Variants in SEMA4D observed in about 807,000 individuals in gnomAD.
The protein encoded by SEMA4D is semaphorin-4D.
Under a neutral mutation model 74.8 loss-of-function variants are expected in SEMA4D, and 22 were observed. The ratio of observed to expected loss-of-function variants is 0.29; its 90% CI spans 0.21 to 0.42. The LOEUF (loss-of-function observed/expected upper bound fraction) is 0.42. Among genes scored for constraint, SEMA4D ranks in the 10% least tolerant of loss-of-function variants. The pLI is 1.00. For missense variants in SEMA4D, 937 were observed against 1,118.4 expected (o/e 0.84, Z 2.31); for synonymous variants, 445 against 463.7 (o/e 0.96, Z 0.52).
chr9:89,402,406 CA>C (rs1842406129), intron 4 of SEMA4D, among the ~76,000 whole-genome samples: 1 of 152,082 alleles, frequency 6.6e-6, no homozygotes, highest in Non-Finnish European at 1.5e-5. Flanking sequence ...GCATCATCCA[CA>C]AGAGTCGGTG....
chr9:89,484,832 T>C lies in SEMA4D; in HGVS notation c.-310+13087A>G, dbSNP rs1377133280. On this transcript the variant is annotated intron_variant, in intron 1 of 15. Transcript: ENST00000422704. The surrounding 1 kb of genome is among the most constrained non-coding windows in gnomAD (Gnocchi z 4.1). ...GGTGGGTGTGTGGTGTGTGGATGTA[T>C]TGTGTGGTGTGTGTGTAATGTGTGT... is the stretch of plus-strand genomic sequence containing the variant. Among the ~76,000 whole-genome samples the C allele has an allele frequency of 6.7e-6, 1 of 148,386 alleles. No individual in the cohort carries two copies. The highest frequency in any genetic ancestry group is 6.7e-5 in the Admixed American group (1 of 14,912).
At chr9:89,371,970 TGTGGTGTGTGTCTGG>T in intron 16 of SEMA4D, among the ~76,000 whole-genome samples, 1 of 111,750 alleles carries the variant, frequency 8.9e-6, no homozygotes, top group South Asian at 3.1e-4. Flanking sequence ...GTGTGTGGGG[TGTGGTGTGTGTCTGG>T]GGTGTGGTGT....
At chr9:89,414,807 T>C (rs1845350980) in intron 2 of SEMA4D, among the ~76,000 whole-genome samples, 1 of 152,328 alleles carries the variant, frequency 6.6e-6, no homozygotes, top group East Asian at 1.9e-4. Context: ...GCAGGGCAGC[T>C]GCCAGGACCA....
At chr9:89,362,959 G>A (rs567197233) in intron 18 of SEMA4D, among the ~76,000 whole-genome samples, 1 of 152,276 alleles carries the variant, frequency 6.6e-6, no homozygotes, top group South Asian at 2.1e-4. Flanking sequence ...CTTCCATGCT[G>A]TAGCCCAGTT....
downstream of SEMA4D, among the ~76,000 whole-genome samples, chr9:89,376,168 C>A (rs983803767): frequency 1.3e-5 from 2 of 152,224 alleles, no homozygotes; most frequent in Non-Finnish European, 1.5e-5. Context: ...TAAAACAACT[C>A]CCATTCTGGA....
At chr9:89,393,726 C>A in intron 6 of SEMA4D, 71 bp from the exon 7 acceptor site, 1 of 1,223,210 alleles carries the variant, frequency 8.2e-7, no homozygotes, top group Non-Finnish European at 1.2e-6. Context: ...GTCTCTGTAC[C>A]ACTTCATTTT....
At chr9:89,415,881 G>T (rs1288563125) in intron 2 of SEMA4D, among the ~76,000 whole-genome samples, 1 of 152,152 alleles carries the variant, frequency 6.6e-6, no homozygotes, top group Non-Finnish European at 1.5e-5. Flanking sequence ...ATTTACACTG[G>T]TAGCGCCTTT....
chr9:89,387,655 G>T, intron 11 of SEMA4D, 47 bp from the exon 12 acceptor site: 3 of 1,559,724 alleles, frequency 1.9e-6, no homozygotes, highest in Non-Finnish European at 2.6e-6. Flanking sequence ...GTCCCACCAC[G>T]CAACGGGTGC....
At chr9:89,450,722 G>A (rs1442844677) in intron 2 of SEMA4D, 3 of 1,338,968 alleles carry the variant, frequency 2.2e-6, no homozygotes, top group Admixed American at 2.3e-5. Flanking sequence ...CACCAGTGGG[G>A]AAACATTAGA....
At chr9:89,392,614 A>T in intron 7 of SEMA4D, 78 bp from the exon 8 acceptor site, 1 of 893,394 alleles carries the variant, frequency 1.1e-6, no homozygotes, top group Non-Finnish European at 1.9e-6. Context: ...CAAACATTCA[A>T]CACGGTGTTT....
chr9:89,465,609 T>G (rs1039073596), intron 1 of SEMA4D, among the ~76,000 whole-genome samples: 7 of 152,214 alleles, frequency 4.6e-5, no homozygotes, highest in African/African-American at 1.7e-4. Context: ...TGATTAACTT[T>G]ATGTTATGTG....
At chr9:89,443,929 C>A (rs923523704) in intron 2 of SEMA4D, among the ~76,000 whole-genome samples, 2 of 152,296 alleles carry the variant, frequency 1.3e-5, no homozygotes, top group Non-Finnish European at 2.9e-5. Flanking sequence ...TCAGGCAGCC[C>A]TGGGCCAGGC....
intron 1 of SEMA4D, among the ~76,000 whole-genome samples, chr9:89,457,143 C>G (rs1293228701): frequency 6.6e-6 from 1 of 152,148 alleles, no homozygotes; most frequent in African/African-American, 2.4e-5. Context: ...TCGCTTTCAT[C>G]TTTCTGATGA....
At chr9:89,426,976 C>A (rs920958135) in intron 2 of SEMA4D, among the ~76,000 whole-genome samples, 4 of 152,294 alleles carry the variant, frequency 2.6e-5, no homozygotes, top group South Asian at 2.1e-4. Context: ...CTGTCCCCAG[C>A]GAGTTCCCCC....
intron 1 of SEMA4D, among the ~76,000 whole-genome samples, chr9:89,465,639 A>G (rs1180012372): frequency 6.6e-6 from 1 of 152,244 alleles, no homozygotes; most frequent in Non-Finnish European, 1.5e-5. Flanking sequence ...TCAAGAAAAA[A>G]ATAATACAGA....
At chr9:89,445,869 C>T (rs1012861336) in intron 2 of SEMA4D, among the ~76,000 whole-genome samples, 2 of 152,174 alleles carry the variant, frequency 1.3e-5, no homozygotes, top group South Asian at 4.1e-4. Context: ...CCTACCCATG[C>T]TCCCAGCCTC....
intron 2 of SEMA4D, chr9:89,450,584 C>A (rs144852268): frequency 2.2e-6 from 2 of 902,612 alleles, no homozygotes; most frequent in African/African-American, 1.7e-5. Flanking sequence ...AGCCTGACCT[C>A]TATAAGTCTG....
chr9:89,379,281 T>C lies in SEMA4D; in HGVS notation c.2012A>G (p.Lys671Arg). ...VQTEGSRIAT[K>R]VLVASTQGSS... ...CCCTTGGGTGGATGCCACCAACACTTTGGTGGCAATCCTACTACCTTCTGT... is the reference window on the plus strand; with the variant it reads ...CCCTTGGGTGGATGCCACCAACACTCTGGTGGCAATCCTACTACCTTCTGT... The change falls in exon 16 of 16, where the codon AAA (lysine) becomes AGA (arginine). Residue 671 changes from lysine to arginine, a missense_variant. Physicochemically the swap from Lys to Arg is conservative, Grantham distance 26. Coordinates refer to ENST00000422704, the MANE Select transcript of SEMA4D (RefSeq NM_001371194.2). 1 of 1,614,038 alleles carries C rather than the reference T, an allele frequency of 6.2e-7. No individual in the cohort carries two copies. The highest frequency in any genetic ancestry group is 8.5e-7 in the Non-Finnish European group (1 of 1,180,012).
intron 2 of SEMA4D, among the ~76,000 whole-genome samples, chr9:89,448,101 A>G (rs75576884): frequency 0.016 from 2,490 of 152,236 alleles, 74 homozygotes; most frequent in African/African-American, 0.056. Flanking sequence ...CAGCCTCCTG[A>G]GCAGCTGGGA....
Sources: gnomAD v4.1 joint callset for allele counts (sites outside exome capture counted in the v4.1 genomes callset) on GRCh38, gnomAD v4.1.1 for gene constraint, Gnocchi (gnomAD v3.1) non-coding constraint, MANE v1.5 for transcripts, NCBI Gene and HGNC (gene_info 2026-07-23, HGNC 2026-07-21) for gene names.